The following BACH2 variants were observed in gnomAD, a reference collection of about 807,000 sequenced individuals.
The protein encoded by BACH2 is transcription regulator protein BACH2.
A neutral mutation model predicts 61.8 loss-of-function variants in BACH2; 5 were observed. The observed-to-expected ratio is 0.08, with a 90% confidence interval of 0.04 to 0.17. The LOEUF (loss-of-function observed/expected upper bound fraction) is 0.17. Among genes scored for constraint, BACH2 ranks in the 10% least tolerant of loss-of-function variants. The probability of loss-of-function intolerance (pLI) is 1.00; values close to 1 mark genes in which losing one functional copy is unlikely to be tolerated. For missense variants in BACH2, 824 were observed against 1,091.1 expected (o/e 0.76, Z 3.45); for synonymous variants, 446 against 440.1 (o/e 1.01, Z -0.17).
At chr6:90,188,601 CAA>C (rs1768441591) in intron 4 of BACH2, among the ~76,000 whole-genome samples, 1 of 151,626 alleles carries the variant, frequency 6.6e-6, no homozygotes, top group Non-Finnish European at 1.5e-5. Context: ...CATTCATGAC[CAA>C]AAGACACTGA....
intron 3 of BACH2, among the ~76,000 whole-genome samples, chr6:90,245,563 C>T (rs960370395): frequency 2.6e-5 from 4 of 152,170 alleles, no homozygotes; most frequent in Admixed American, 2.6e-4. Flanking sequence ...GATCCCATCT[C>T]TGAAGAATTT....
At chr6:90,121,097 A>G (rs1400114431) in intron 4 of BACH2, among the ~76,000 whole-genome samples, 3 of 152,198 alleles carry the variant, frequency 2.0e-5, no homozygotes, top group Non-Finnish European at 4.4e-5. Context: ...CCTCACTTAA[A>G]GAGACTGAAA....
At chr6:90,278,558 A>G (rs1053465862) in intron 1 of BACH2, among the ~76,000 whole-genome samples, 1 of 152,208 alleles carries the variant, frequency 6.6e-6, no homozygotes, top group African/African-American at 2.4e-5. Context: ...CCAGTAGACT[A>G]TATGTTTTCC....
At chr6:90,053,369 T>G (rs1385236271) in intron 5 of BACH2, among the ~76,000 whole-genome samples, 1 of 152,220 alleles carries the variant, frequency 6.6e-6, no homozygotes, top group Non-Finnish European at 1.5e-5. Flanking sequence ...AGTCTTCAAC[T>G]CCTGTGCTCT....
At chr6:89,952,663 T>G (rs1774200952) in intron 6 of BACH2, among the ~76,000 whole-genome samples, 1 of 152,226 alleles carries the variant, frequency 6.6e-6, no homozygotes, top group Non-Finnish European at 1.5e-5. Context: ...AGCTTTGCCA[T>G]GCAGCTGTCT....
intron 3 of BACH2, among the ~76,000 whole-genome samples, chr6:90,227,019 C>T (rs549367600): frequency 5.9e-5 from 9 of 152,264 alleles, no homozygotes; most frequent in African/African-American, 2.2e-4. Context: ...AAGGAATGTG[C>T]GTGAACTGCA....
intron 4 of BACH2, among the ~76,000 whole-genome samples, chr6:90,111,607 G>A (rs1420606123): frequency 6.6e-6 from 1 of 152,176 alleles, no homozygotes; most frequent in African/African-American, 2.4e-5. Context: ...TTAGCAGGTA[G>A]GGTTCTCCTC....
chr6:89,931,947 AT>A lies in BACH2; in HGVS notation c.*460del, dbSNP rs1218290429. 4 of 147,490 alleles carry A rather than the reference AT, an allele frequency of 2.7e-5. No individual in the cohort carries two copies. The highest frequency in any genetic ancestry group is 9.8e-5 in the African/African-American group (4 of 40,654). The allele number at this position is 147,490 out of a possible 1,614,324, so 9.1% of individuals were successfully genotyped here. On this transcript the variant is annotated 3_prime_UTR_variant, in exon 9 of 9. Transcript: ENST00000257749. ...CTTTTGCATATGGATATATATATAT[AT>A]ATATATATATTTTATATATATATTA...
chr6:90,093,218 C>T (rs543039735), intron 4 of BACH2, among the ~76,000 whole-genome samples: 1 of 152,272 alleles, frequency 6.6e-6, no homozygotes, highest in African/African-American at 2.4e-5. Context: ...GTCTTGCTAA[C>T]AGTTTTACTG....
intron 6 of BACH2, among the ~76,000 whole-genome samples, chr6:89,956,396 C>T (rs187880613): frequency 6.6e-6 from 1 of 152,274 alleles, no homozygotes; most frequent in Admixed American, 6.5e-5. Flanking sequence ...ATAGTTGGTT[C>T]AACCCTGAAA....
chr6:90,284,463 A>G (rs1771956162), intron 1 of BACH2, among the ~76,000 whole-genome samples: 1 of 152,164 alleles, frequency 6.6e-6, no homozygotes, highest in African/African-American at 2.4e-5. Flanking sequence ...GCCCTCCGCA[A>G]TAGATGCTGT....
rs139823642 is a variant in BACH2 at position 90,007,308 on chromosome 6, T to G, written c.243+1294A>C. The stretch of plus-strand genomic sequence containing the variant: ...GCAGGCTGGCCTCAAACTCCTGACC[T>G]CATAATCTGCTCGCCTCGGCCTCCC... On this transcript the variant is annotated intron_variant, in intron 6 of 8. Transcript: ENST00000257749. 8.1e-3 allele frequency among the ~76,000 whole-genome samples: 1,230 copies of G among 152,182 alleles called. 5 individuals are homozygous for G. Among genetic ancestry groups the G allele is most frequent in the Non-Finnish European group, 0.013 (887 of 67,996 alleles).
intron 4 of BACH2, among the ~76,000 whole-genome samples, chr6:90,198,003 G>A (rs1394617740): frequency 6.6e-6 from 1 of 152,186 alleles, no homozygotes; most frequent in Non-Finnish European, 1.5e-5. Flanking sequence ...CTGTGGTCAA[G>A]AATAGGCCGA....
chr6:90,244,062 C>A (rs1489947904), intron 3 of BACH2, among the ~76,000 whole-genome samples: 2 of 152,158 alleles, frequency 1.3e-5, no homozygotes, highest in African/African-American at 4.8e-5. Context: ...GCTGGGATAA[C>A]AGGCATGTGC....
chr6:90,190,462 T>C (rs575881573), intron 4 of BACH2, among the ~76,000 whole-genome samples: 3 of 152,358 alleles, frequency 2.0e-5, no homozygotes, highest in African/African-American at 7.2e-5. Context: ...TCCACAAACA[T>C]TCCAGAACAC....
chr6:90,199,539 A>T (rs1211631192), intron 4 of BACH2, among the ~76,000 whole-genome samples: 1 of 152,142 alleles, frequency 6.6e-6, no homozygotes, highest in Non-Finnish European at 1.5e-5. Context: ...ATTACATGGT[A>T]AGTTGTATTT....
At chr6:90,269,926 T>C (rs1582552560) in intron 2 of BACH2, among the ~76,000 whole-genome samples, 1 of 152,222 alleles carries the variant, frequency 6.6e-6, no homozygotes, top group African/African-American at 2.4e-5. Context: ...AGTTCCCTAG[T>C]GGAACTTCAC....
intron 4 of BACH2, among the ~76,000 whole-genome samples, chr6:90,133,527 T>TTTTA (rs76741149): frequency 8.3e-4 from 118 of 141,736 alleles, no homozygotes; most frequent in Middle Eastern, 3.7e-3. Context: ...TTTTATTTTA[T>TTTTA]TTTATTTATT....
At chr6:90,213,332 T>C (rs955296812) in intron 3 of BACH2, among the ~76,000 whole-genome samples, 2 of 152,214 alleles carry the variant, frequency 1.3e-5, no homozygotes, top group Admixed American at 1.3e-4. Flanking sequence ...TGGAAACTCA[T>C]GCTAATACTT....
Sources: allele counts gnomAD v4.1 joint callset (sites outside exome capture counted in the v4.1 genomes callset), GRCh38; gene constraint gnomAD v4.1.1; transcripts MANE v1.5; gene names NCBI Gene and HGNC (gene_info 2026-07-23, HGNC 2026-07-21).